The following TBC1D13 variants were observed in gnomAD, a reference collection of about 807,000 sequenced individuals.
The protein encoded by TBC1D13 is epididymis secretory sperm binding protein.
Under a neutral mutation model 53.6 loss-of-function variants are expected in TBC1D13, and 40 were observed. The ratio of observed to expected loss-of-function variants is 0.75; its 90% CI spans 0.58 to 0.97. TBC1D13 has a LOEUF of 0.97. Among genes scored for constraint, TBC1D13 ranks in the 50% least tolerant of loss-of-function variants. The pLI, the probability that TBC1D13 is intolerant of heterozygous loss-of-function variation, is 0.00. For synonymous variants in TBC1D13, 182 were observed against 197.7 expected (o/e 0.92, Z 0.67); for missense variants, 377 against 499.4 (o/e 0.75, Z 2.34).
intron 11 of TBC1D13, among the ~76,000 whole-genome samples, chr9:128,807,307 G>A (rs907310469): frequency 2.0e-5 from 3 of 151,970 alleles, no homozygotes; most frequent in Admixed American, 6.6e-5. Context: ...GGCTGGTCTC[G>A]AACTCCTGAC....
chr9:128,803,308 C>A lies in TBC1D13; in HGVS notation c.602C>A (p.Pro201His). 2 of 1,614,184 alleles carry A rather than the reference C, an allele frequency of 1.2e-6. No individual in the cohort carries two copies. Among genetic ancestry groups the A allele is most frequent in the Non-Finnish European group, 1.7e-6 (2 of 1,180,034 alleles). ...PSSLNEYEVL[P>H]NGCEAHWEVV... ...TCCCTAAATGAGTATGAGGTGCTGC[C>A]CAATGGCTGTGAGGCCCACTGGGAG... The change falls in exon 8 of 12, where the codon CCC becomes CAC. Residue 201 changes from proline to histidine, a missense_variant. Transcript: ENST00000372648.
rs1829923260 is a variant in TBC1D13 at position 128,810,202 on chromosome 9, C to T, written c.*2323C>T. The stretch of plus-strand genomic sequence containing the variant: ...TGATAATGTCCCTTCCCCAGATTCT[C>T]AAGCAGATGCCCAAGGGAGGTCCCC... On this transcript the variant is annotated 3_prime_UTR_variant, in exon 12 of 12. Transcript: ENST00000372648. 6.6e-6 allele frequency: 1 copy of T among 152,196 alleles called. No individual in the cohort carries two copies. The highest frequency in any genetic ancestry group is 2.4e-5 in the African/African-American group (1 of 41,420). 9.4% of individuals were successfully genotyped at this position (152,196 alleles called of 1,614,324 possible). A position where few individuals can be genotyped will look rare whatever the true frequency, so the allele number is the denominator to read the frequency against.
intron 5 of TBC1D13, among the ~76,000 whole-genome samples, chr9:128,792,123 G>T (rs1385475210): frequency 6.6e-6 from 1 of 152,240 alleles, no homozygotes; most frequent in African/African-American, 2.4e-5. Flanking sequence ...ACGACTCAGA[G>T]CATCGATGAA....
chr9:128,803,468 G>A lies in TBC1D13; in HGVS notation c.754+8G>A, dbSNP rs746658466. 2.5e-6 allele frequency: 4 copies of A among 1,613,474 alleles called. No individual in the cohort carries two copies. In the African/African-American group the frequency reaches 4.0e-5, roughly 16 times the overall value. On this transcript the variant is annotated splice_region_variant and intron_variant, in intron 8 of 11. Coordinates refer to ENST00000372648, the MANE Select transcript of TBC1D13 (RefSeq NM_018201.5). Reference sequence around the variant, plus strand: ...CCAATAGTGAGTGGAAAGGTAAGAAGGCTCTTGGTGCCCACATCCCTCGTT... The same window carrying A: ...CCAATAGTGAGTGGAAAGGTAAGAAAGCTCTTGGTGCCCACATCCCTCGTT...
rs370559659 is a variant in TBC1D13, at chr9:128,803,397, A to G, written c.691A>G (p.Met231Val). 3 of 1,614,112 alleles carry G rather than the reference A, an allele frequency of 1.9e-6. No individual in the cohort carries two copies. The highest frequency in any genetic ancestry group is 1.3e-5 in the African/African-American group (1 of 74,940). The change falls in exon 8 of 12, where the codon ATG becomes GTG. Residue 231 changes from methionine to valine, a missense_variant. Transcript: ENST00000372648. Reference sequence around the variant, plus strand: ...CCCTGGCATCGCTTATGTGCAAGGCATGAATGAAATCGTGGGGCCCCTCTA... The same window carrying G: ...CCCTGGCATCGCTTATGTGCAAGGCGTGAATGAAATCGTGGGGCCCCTCTA... Reference protein sequence around the residue: ...LNPGIAYVQGMNEIVGPLYYT... With the variant: ...LNPGIAYVQGVNEIVGPLYYT...
chr9:128,804,720 GTTTTTTTT>G (rs1170366996), intron 9 of TBC1D13, among the ~76,000 whole-genome samples: 230 of 56,418 alleles, frequency 4.1e-3, no homozygotes, highest in Admixed American at 6.2e-3. Context: ...TTTTTTTTCT[GTTTTTTTT>G]TTTTTTTTTT....
At chr9:128,792,671 G>C in intron 6 of TBC1D13, 97 bp downstream of exon 6, 1 of 1,117,062 alleles carries the variant, frequency 9.0e-7, no homozygotes, top group South Asian at 1.4e-5. Context: ...CTATGGGTGA[G>C]TGTTTGCGGA....
intron 7 of TBC1D13, among the ~76,000 whole-genome samples, chr9:128,799,269 C>T (rs1329660881): frequency 6.6e-6 from 1 of 152,198 alleles, no homozygotes; most frequent in Non-Finnish European, 1.5e-5. Flanking sequence ...CCTGGTTTAA[C>T]TTTTGGTCCT....
chr9:128,800,745 A>G (rs184217746), intron 7 of TBC1D13, among the ~76,000 whole-genome samples: 1 of 152,288 alleles, frequency 6.6e-6, no homozygotes, highest in East Asian at 1.9e-4. Flanking sequence ...CTTTCCATCT[A>G]AATGCAACAG....
chr9:128,797,027 A>G (rs1343763429), intron 6 of TBC1D13, 28 bp from the exon 7 acceptor site: 28 of 1,611,068 alleles, frequency 1.7e-5, no homozygotes, highest in Non-Finnish European at 2.4e-5. Flanking sequence ...CTTGAGTAAC[A>G]AGATTATTTC....
In TBC1D13 at chr9:128,804,863, G is replaced by C. The variant is rs573902413; in HGVS notation, c.918+744G>C. On this transcript the variant is annotated intron_variant, in intron 9 of 11. Coordinates refer to ENST00000372648, the MANE Select transcript of TBC1D13 (RefSeq NM_018201.5). Reference sequence around the variant, plus strand: ...CATGCCTCAGCCTCCCCAGTAGCTGGGATTACAGGCGTGCGTTACCACGCC... The same window carrying C: ...CATGCCTCAGCCTCCCCAGTAGCTGCGATTACAGGCGTGCGTTACCACGCC... 4.2e-4 allele frequency among the ~76,000 whole-genome samples: 64 copies of C among 151,814 alleles called. 2 individuals are homozygous for C. Among genetic ancestry groups the C allele is most frequent in the Admixed American group, 4.2e-3 (64 of 15,210 alleles).
intron 7 of TBC1D13, among the ~76,000 whole-genome samples, chr9:128,799,238 T>C (rs906033928): frequency 1.3e-5 from 2 of 152,200 alleles, no homozygotes; most frequent in Non-Finnish European, 2.9e-5. Context: ...CTGTAGTAAC[T>C]AGGTGTAAAG....
intron 6 of TBC1D13, among the ~76,000 whole-genome samples, 162 bp downstream of exon 6, chr9:128,792,736 A>AG (rs1224514589): frequency 6.6e-6 from 1 of 152,170 alleles, no homozygotes; most frequent in African/African-American, 2.4e-5. Context: ...TGATAGGCTG[A>AG]GAACGAGGCT....
At position 128,808,370 on chromosome 9, in the gene TBC1D13, C is replaced by T. The variant is rs925213395; in HGVS notation, c.*491C>T. ...TCACCCACAGATGTCTGTAGTCGGT[C>T]GGTGTGAATGTGGGCCCAAGTCCCC... On this transcript the variant is annotated 3_prime_UTR_variant, in exon 12 of 12. Coordinates refer to ENST00000372648, the MANE Select transcript of TBC1D13 (RefSeq NM_018201.5). The T allele has an allele frequency of 4.1e-5, 8 of 196,476 alleles. No homozygotes were observed. The highest frequency in any genetic ancestry group is 1.1e-4 in the East Asian group (1 of 8,818). The allele number at this position is 196,476 out of a possible 1,614,324, so 12.2% of individuals were successfully genotyped here. A position where few individuals can be genotyped will look rare whatever the true frequency, so the allele number is the denominator to read the frequency against.
At chr9:128,804,256 C>T (rs536771937) in intron 9 of TBC1D13, 137 bp downstream of exon 9, 1 of 1,034,710 alleles carries the variant, frequency 9.7e-7, no homozygotes, top group Admixed American at 2.7e-5. Context: ...GACGCTGACC[C>T]ATGTGCTGAG....
intron 2 of TBC1D13, 89 bp downstream of exon 2, chr9:128,788,496 G>C: frequency 2.5e-6 from 3 of 1,210,026 alleles, no homozygotes; most frequent in Non-Finnish European, 3.6e-6. Context: ...CAGCTCTGGG[G>C]CCCAGCTGCT....
chr9:128,806,018 A>G lies in TBC1D13; in HGVS notation c.1078A>G (p.Met360Val), dbSNP rs768723863. The G allele has an allele frequency of 7.4e-6, 12 of 1,613,682 alleles. No homozygotes were observed. The highest frequency in any genetic ancestry group is 1.0e-5 in the Non-Finnish European group (12 of 1,179,886). ...CCTCCTCGTCTGCTGCGCCATGCTC[A>G]TGTGAGTGCGGGCATGAGCTGTCAT... is the stretch of plus-strand genomic sequence containing the variant. Reference protein sequence around the residue: ...FLLLVCCAMLMLIREQLLEGD... With the variant: ...FLLLVCCAMLVLIREQLLEGD... Residue 360 changes from methionine (M) to valine (V), a missense_variant and splice_region_variant, in exon 10 of 12, where the codon ATG becomes GTG. Met to Val is a conservative substitution (Grantham distance 21). Coordinates refer to ENST00000372648, the MANE Select transcript of TBC1D13 (RefSeq NM_018201.5).
intron 11 of TBC1D13, among the ~76,000 whole-genome samples, chr9:128,806,901 A>G (rs7858366): frequency 0.35 from 52,391 of 150,240 alleles, 11,369 homozygotes; most frequent in African/African-American, 0.62. Flanking sequence ...CCAAGATCGC[A>G]TCACTGCACT....
Position 128,810,168 on chromosome 9 carries a change from G to A in TBC1D13, c.*2289G>A, listed in dbSNP as rs557884241. 1 of 152,292 alleles carries A rather than the reference G, an allele frequency of 6.6e-6. No homozygotes were observed. Among genetic ancestry groups the A allele is most frequent in the East Asian group, 1.9e-4 (1 of 5,184 alleles). The allele number at this position is 152,292 out of a possible 1,614,324, so 9.4% of individuals were successfully genotyped here. ...CCAGCAGGACACCGCCTGCAGAAAG[G>A]ACCTGCCCTGATAATGTCCCTTCCC... On this transcript the variant is annotated 3_prime_UTR_variant, in exon 12 of 12. Coordinates refer to ENST00000372648, the MANE Select transcript of TBC1D13 (RefSeq NM_018201.5).
Sources: allele counts gnomAD v4.1 joint callset (sites outside exome capture counted in the v4.1 genomes callset), GRCh38; gene constraint gnomAD v4.1.1; transcripts MANE v1.5; gene names NCBI Gene and HGNC (gene_info 2026-07-23, HGNC 2026-07-21).